SS18: variants seen among roughly 807,000 people sequenced by gnomAD.
The protein encoded by SS18 is SS18 subunit of BAF chromatin remodeling complex.
SS18 carries 28 observed loss-of-function variants against 72.5 expected under a neutral mutation model. The ratio of observed to expected loss-of-function variants is 0.39; its 90% CI spans 0.29 to 0.53. The LOEUF (loss-of-function observed/expected upper bound fraction) is 0.53. Ranked by LOEUF, SS18 falls within the 20% of genes least tolerant of loss-of-function variation. The pLI, the probability that SS18 is intolerant of heterozygous loss-of-function variation, is 0.76. For missense variants in SS18, 518 were observed against 535.3 expected, an observed-to-expected ratio of 0.97 and a Z score of 0.32; for synonymous variants, 172 against 164.2, an observed-to-expected ratio of 1.05 and a Z score of -0.37.
At chr18:26,054,322 C>T (rs971515129) in intron 4 of SS18, among the ~76,000 whole-genome samples, 8 of 152,220 alleles carry the variant, frequency 5.3e-5, no homozygotes, top group Non-Finnish European at 1.2e-4. Context: ...TTGGCACTAA[C>T]TGTCAAATTT....
At chr18:26,054,803 C>A (rs1465973312) in intron 4 of SS18, among the ~76,000 whole-genome samples, 1 of 150,408 alleles carries the variant, frequency 6.6e-6, no homozygotes, top group East Asian at 2.0e-4. Flanking sequence ...TGCAATGGTG[C>A]AATCTTGGTT....
At chr18:26,025,952 A>G (rs569577635) in intron 10 of SS18, among the ~76,000 whole-genome samples, 1 of 152,326 alleles carries the variant, frequency 6.6e-6, no homozygotes, top group East Asian at 1.9e-4. Context: ...ACCCACTGTA[A>G]GCTGAAAATA....
chr18:26,023,876 A>AT (rs968902688), intron 10 of SS18, among the ~76,000 whole-genome samples: 2 of 151,962 alleles, frequency 1.3e-5, no homozygotes, highest in East Asian at 3.9e-4. Flanking sequence ...TCTTTAACTG[A>AT]TTTTTTTAGA....
intron 4 of SS18, among the ~76,000 whole-genome samples, chr18:26,054,366 G>A (rs1407910540): frequency 6.6e-6 from 1 of 152,130 alleles, no homozygotes; most frequent in African/African-American, 2.4e-5. Context: ...AGCAATTTCA[G>A]TTCCAGGAAT....
chr18:26,021,779 G>T (rs1400954497), intron 10 of SS18, among the ~76,000 whole-genome samples: 1 of 152,188 alleles, frequency 6.6e-6, no homozygotes, highest in Non-Finnish European at 1.5e-5. Context: ...AATCTAGCTT[G>T]GTGATAGTAC....
chr18:26,043,698 A>G (rs952418055), intron 5 of SS18, among the ~76,000 whole-genome samples: 1 of 152,212 alleles, frequency 6.6e-6, no homozygotes, highest in Non-Finnish European at 1.5e-5. Context: ...ATCAAGGATA[A>G]AAGAACAAGA....
chr18:26,048,246 C>T (rs1350016180), intron 5 of SS18, among the ~76,000 whole-genome samples: 1 of 152,158 alleles, frequency 6.6e-6, no homozygotes, highest in Non-Finnish European at 1.5e-5. Context: ...TTTAATAATT[C>T]TATTTCTAGA....
intron 10 of SS18, among the ~76,000 whole-genome samples, chr18:26,027,008 T>C (rs1379770072): frequency 6.6e-6 from 1 of 152,112 alleles, no homozygotes; most frequent in African/African-American, 2.4e-5. Context: ...AATAATACTG[T>C]CAGTTCTCCC....
intron 10 of SS18, among the ~76,000 whole-genome samples, chr18:26,027,223 C>T (rs1448485154): frequency 6.6e-6 from 1 of 152,134 alleles, no homozygotes; most frequent in Non-Finnish European, 1.5e-5. Context: ...TAAAACTATA[C>T]TAATGAAGAC....
At chr18:26,065,214 A>C (rs1234074839) in intron 3 of SS18, among the ~76,000 whole-genome samples, 2 of 152,146 alleles carry the variant, frequency 1.3e-5, no homozygotes, top group African/African-American at 4.8e-5. Context: ...CTTTTTGCAG[A>C]CTCACAAGCC....
chr18:26,059,813 T>C (rs1276274482), intron 3 of SS18, among the ~76,000 whole-genome samples: 1 of 152,182 alleles, frequency 6.6e-6, no homozygotes, highest in African/African-American at 2.4e-5. Context: ...CTCTTAAAAA[T>C]TGCAAGGCTT....
At chr18:26,025,705 A>G (rs981313394) in intron 10 of SS18, among the ~76,000 whole-genome samples, 1 of 152,106 alleles carries the variant, frequency 6.6e-6, no homozygotes, top group Admixed American at 6.6e-5. Context: ...AAAATTTCTC[A>G]CAAAAAAAAC....
intron 5 of SS18, among the ~76,000 whole-genome samples, chr18:26,046,143 G>A (rs1184484869): frequency 5.6e-5 from 7 of 125,760 alleles, no homozygotes; most frequent in Non-Finnish European, 1.1e-4. Flanking sequence ...AATGAGCCAA[G>A]ATTGCACCAC....
chr18:26,035,066 A>AT lies in SS18; in HGVS notation c.1034dup (p.Tyr345Ter). 1 of 1,613,538 alleles carries AT rather than the reference A, an allele frequency of 6.2e-7. No homozygotes were observed. Among genetic ancestry groups the AT allele is most frequent in the Non-Finnish European group, 8.5e-7 (1 of 1,179,688 alleles). ...AYQGPPPQQG[Y>*]PPQQQQYPGQ... The stretch of plus-strand genomic sequence containing the variant: ...CTGGGTACTGCTGCTGCTGGGGTGG[A>AT]TATCCCTGTTGTGGAGGTGGTCCCT... The change falls in exon 9 of 11, where the codon TAT (tyrosine) becomes TAAT (stop). Residue 345 changes from tyrosine to a stop codon, truncating the protein, a stop_gained and frameshift_variant. Coordinates refer to ENST00000415083, the MANE Select transcript of SS18 (RefSeq NM_001007559.3). LOFTEE classifies it high-confidence loss of function. This position sits in a 1 kb window ranked among gnomAD's most constrained non-coding sequence, Gnocchi z 4.4.
chr18:26,037,803 T>A (rs192964411), intron 7 of SS18, among the ~76,000 whole-genome samples: 1 of 152,234 alleles, frequency 6.6e-6, no homozygotes, highest in Non-Finnish European at 1.5e-5. Context: ...CTACACTGTA[T>A]TATAAAATTT....
intron 10 of SS18, chr18:26,023,762 G>T (rs2053394819): frequency 2.5e-6 from 1 of 398,992 alleles, no homozygotes; most frequent in Non-Finnish European, 4.7e-6. Flanking sequence ...AAACAAAAAT[G>T]ATACCACATA....
At chr18:26,053,970 G>A (rs931551433) in intron 4 of SS18, among the ~76,000 whole-genome samples, 2 of 152,068 alleles carry the variant, frequency 1.3e-5, no homozygotes, top group South Asian at 4.2e-4. Flanking sequence ...AGTATCTGTG[G>A]GAGATTGGTT....
chr18:26,041,047 TGA>T (rs1245688141), intron 5 of SS18, among the ~76,000 whole-genome samples: 1 of 152,170 alleles, frequency 6.6e-6, no homozygotes, highest in Non-Finnish European at 1.5e-5. Flanking sequence ...AGATAAAAAC[TGA>T]GAATAAGACA....
At chr18:26,027,703 A>AAAAC (rs1555643837) in intron 10 of SS18, among the ~76,000 whole-genome samples, 1 of 124,698 alleles carries the variant, frequency 8.0e-6, no homozygotes, top group African/African-American at 3.6e-5. Flanking sequence ...AAAAAAAAAA[A>AAAAC]AGTCTTTTCA....
Sources: allele counts gnomAD v4.1 joint callset (sites outside exome capture counted in the v4.1 genomes callset), GRCh38; gene constraint gnomAD v4.1.1; non-coding constraint Gnocchi (gnomAD v3.1); transcripts MANE v1.5; gene names NCBI Gene and HGNC (gene_info 2026-07-23, HGNC 2026-07-21).